The following FRK variants were observed in gnomAD, a reference collection of about 807,000 sequenced individuals.
FRK encodes tyrosine-protein kinase FRK.
FRK carries 51 observed loss-of-function variants against 56.4 expected under a neutral mutation model. That is an observed-to-expected ratio of 0.90 (90% confidence interval 0.72 to 1.14). The LOEUF (loss-of-function observed/expected upper bound fraction) is 1.14. Ranked by LOEUF, FRK falls within the 50% of genes most tolerant of loss-of-function variation. The pLI is 0.00. For missense variants in FRK, 570 were observed against 601.4 expected (o/e 0.95, Z 0.55); for synonymous variants, 245 against 217.9 (o/e 1.12, Z -1.10).
At chr6:116,086,768 G>A in the FRK span, among the ~76,000 whole-genome samples, 1 of 152,180 alleles carries the variant, frequency 6.6e-6, no homozygotes, top group Non-Finnish European at 1.5e-5. Context: ...CAACTGAAAA[G>A]ATGAAAATGA....
At chr6:115,944,184 C>CTA in intron 6 of FRK, 60 bp downstream of exon 6, 2 of 1,334,100 alleles carry the variant, frequency 1.5e-6, no homozygotes, top group Non-Finnish European at 2.1e-6. Flanking sequence ...ATCTATTGGT[C>CTA]TACTAACTGT....
chr6:116,043,452 T>C (rs1049658775), intron 1 of FRK, among the ~76,000 whole-genome samples: 1 of 152,122 alleles, frequency 6.6e-6, no homozygotes, highest in Non-Finnish European at 1.5e-5. Flanking sequence ...ACCTCACAAC[T>C]ACATGGAAAC....
intron 2 of FRK, among the ~76,000 whole-genome samples, chr6:115,993,478 TATAA>T (rs1774701498): frequency 2.6e-5 from 4 of 151,984 alleles, no homozygotes; most frequent in African/African-American, 9.6e-5. Context: ...ATGCCCTAGG[TATAA>T]ATGTTTTCAC....
chr6:116,082,181 T>C, the FRK span, among the ~76,000 whole-genome samples: 1 of 152,062 alleles, frequency 6.6e-6, no homozygotes, highest in Non-Finnish European at 1.5e-5. Context: ...AGAAGGCTGG[T>C]TTGATTGTAG....
intron 5 of FRK, among the ~76,000 whole-genome samples, chr6:115,949,684 T>C (rs1449663097): frequency 6.6e-6 from 1 of 152,176 alleles, no homozygotes; most frequent in Admixed American, 6.5e-5. Flanking sequence ...AAAACTTCTT[T>C]AAATTTCATA....
At position 116,003,927 on chromosome 6, in the gene FRK, G is replaced by A. The variant is rs762257926; in HGVS notation, c.416C>T (p.Ser139Phe). The A allele has an allele frequency of 2.1e-5, 34 of 1,613,006 alleles. No individual in the cohort carries two copies. The highest frequency in any genetic ancestry group is 2.7e-5 in the Non-Finnish European group (32 of 1,179,396). Residue 139 changes from serine (S) to phenylalanine (F), a missense_variant, in exon 2 of 8, where the codon TCC becomes TTC. Coordinates refer to ENST00000606080, the MANE Select transcript of FRK (RefSeq NM_002031.3). Reference protein sequence around the residue: ...QLLYSENKTGSFLIRESESQK... With the variant: ...QLLYSENKTGFFLIRESESQK... ...GCTTTCACTTTCTCTGATTAGAAAG[G>A]AACCGGTCTTGTTTTCTGAATATAA...
At chr6:115,945,321 T>G (rs2114517734) in intron 5 of FRK, among the ~76,000 whole-genome samples, 1 of 152,292 alleles carries the variant, frequency 6.6e-6, no homozygotes, top group African/African-American at 2.4e-5. Flanking sequence ...TAATGTACAC[T>G]CCTACGAACA....
intron 1 of FRK, among the ~76,000 whole-genome samples, chr6:116,020,946 G>C (rs1271588067): frequency 6.6e-6 from 1 of 152,018 alleles, no homozygotes; most frequent in Non-Finnish European, 1.5e-5. Context: ...CTAAACTGTG[G>C]TTGGTTTCTA....
At chr6:115,942,790 C>T (rs1406676992) in intron 7 of FRK, among the ~76,000 whole-genome samples, 165 bp from the exon 8 acceptor site, 1 of 152,146 alleles carries the variant, frequency 6.6e-6, no homozygotes, top group Non-Finnish European at 1.5e-5. Context: ...TAAACTAAAT[C>T]CTGCAGCAAG....
chr6:116,066,753 A>T, the FRK span, among the ~76,000 whole-genome samples: 2 of 152,064 alleles, frequency 1.3e-5, no homozygotes, highest in Non-Finnish European at 2.9e-5. Flanking sequence ...TTTTCTGACC[A>T]TGGATTCTTT....
At position 115,959,192 on chromosome 6, in the gene FRK, C is replaced by A. The variant is rs75423494; in HGVS notation, c.800-2582G>T. On this transcript the variant is annotated intron_variant, in intron 4 of 7. Transcript: ENST00000606080. Reference sequence around the variant, plus strand: ...TAGTAGCCTGCTCAGCAATAAATAGCCGCTCATATTGATTAATGGCCCCAG... The same window carrying A: ...TAGTAGCCTGCTCAGCAATAAATAGACGCTCATATTGATTAATGGCCCCAG... Among the ~76,000 whole-genome samples, 1,443 of 152,268 alleles carry A rather than the reference C, an allele frequency of 9.5e-3. 22 individuals are homozygous for A. Among genetic ancestry groups the A allele is most frequent in the African/African-American group, 0.033 (1,358 of 41,540 alleles).
At chr6:115,988,731 G>A (rs544524596) in intron 2 of FRK, among the ~76,000 whole-genome samples, 17 of 151,682 alleles carry the variant, frequency 1.1e-4, no homozygotes, top group Non-Finnish European at 1.9e-4. Flanking sequence ...TACACTACTT[G>A]GACTTCATTT....
chr6:115,960,477 C>T (rs1232464603), intron 4 of FRK, among the ~76,000 whole-genome samples: 2 of 150,382 alleles, frequency 1.3e-5, no homozygotes, highest in African/African-American at 2.4e-5. Flanking sequence ...GAAGGGCGCC[C>T]GCCATTGCCC....
chr6:115,982,142 C>T (rs1582676572), intron 2 of FRK, among the ~76,000 whole-genome samples: 1 of 152,032 alleles, frequency 6.6e-6, no homozygotes, highest in South Asian at 2.1e-4. Flanking sequence ...CCACTGAGGC[C>T]CTGAATAGAA....
In FRK at chr6:116,030,895, A is replaced by C. The variant is rs541859163; in HGVS notation, c.345-26897T>G. Among the ~76,000 whole-genome samples the C allele has an allele frequency of 7.2e-5, 11 of 152,272 alleles. No individual in the cohort carries two copies. The South Asian group carries it at 2.1e-3, about 29-fold the overall frequency. The stretch of plus-strand genomic sequence containing the variant: ...CCTGGGGATTGTAGCTGGTATCTGC[A>C]GTAGAGGACACTCCTGTGGGACTAA... On this transcript the variant is annotated intron_variant, in intron 1 of 7. Coordinates refer to ENST00000606080, the MANE Select transcript of FRK (RefSeq NM_002031.3).
At chr6:116,001,347 A>G (rs1775059614) in intron 2 of FRK, among the ~76,000 whole-genome samples, 1 of 152,156 alleles carries the variant, frequency 6.6e-6, no homozygotes, top group Non-Finnish European at 1.5e-5. Flanking sequence ...ACATGTGTGT[A>G]TATTTATCTA....
rs577277962 is a variant in FRK, at chr6:115,942,726, A to G, written c.1307-101T>C. The G allele has an allele frequency of 1.1e-5, 11 of 1,039,692 alleles. No homozygotes were observed. The African/African-American group carries it at 1.5e-4, about 14-fold the overall frequency. 64.4% of individuals were successfully genotyped at this position (1,039,692 alleles called of 1,614,324 possible). On this transcript the variant is annotated intron_variant, in intron 7 of 7. Coordinates refer to ENST00000606080, the MANE Select transcript of FRK (RefSeq NM_002031.3). Reference sequence around the variant, plus strand: ...TATACTCTAGGTTACTAAGTAAGTCAATTTCTTTGGCAAAGATTTAAGGTC... The same window carrying G: ...TATACTCTAGGTTACTAAGTAAGTCGATTTCTTTGGCAAAGATTTAAGGTC...
At chr6:115,994,839 C>T (rs1009410118) in intron 2 of FRK, among the ~76,000 whole-genome samples, 2 of 152,036 alleles carry the variant, frequency 1.3e-5, no homozygotes, top group Non-Finnish European at 2.9e-5. Context: ...AAGAAGGTGG[C>T]CATCTGCAAA....
chr6:116,005,280 T>G (rs1362414104), intron 1 of FRK, among the ~76,000 whole-genome samples: 1 of 152,204 alleles, frequency 6.6e-6, no homozygotes, highest in Non-Finnish European at 1.5e-5. Context: ...CTCAGTGGTT[T>G]AAGACAACTG....
Sources: gnomAD v4.1 joint callset for allele counts (sites outside exome capture counted in the v4.1 genomes callset) on GRCh38, gnomAD v4.1.1 for gene constraint, MANE v1.5 for transcripts, NCBI Gene and HGNC (gene_info 2026-07-23, HGNC 2026-07-21) for gene names.